EPHA4: variants seen among roughly 807,000 people sequenced by gnomAD.
The protein encoded by EPHA4 is EPH receptor A4, also known as ephrin type-A receptor 4.
In EPHA4, 19 loss-of-function variants were observed where a neutral mutation model predicts 108.3. The observed-to-expected ratio is 0.18, with a 90% CI of 0.12 to 0.26. EPHA4 has a LOEUF of 0.26. Among genes scored for constraint, EPHA4 ranks in the 10% least tolerant of loss-of-function variants. EPHA4 has a pLI of 1.00. For synonymous variants in EPHA4, 449 were observed against 455.5 expected (o/e 0.99, Z 0.18); for missense variants, 917 against 1,254.0 (o/e 0.73, Z 4.06).
At chr2:221,427,969 C>A (rs1245567638) in intron 15 of EPHA4, among the ~76,000 whole-genome samples, 1 of 151,920 alleles carries the variant, frequency 6.6e-6, no homozygotes, top group Non-Finnish European at 1.5e-5. Flanking sequence ...TCCATTATTT[C>A]AATATAAGTT....
chr2:221,486,735 A>AAAT (rs34218724), intron 4 of EPHA4, among the ~76,000 whole-genome samples: 67,186 of 138,646 alleles, frequency 0.48, 16,371 homozygotes, highest in East Asian at 0.61. Flanking sequence ...CTCTGTCTCA[A>AAAT]AATAATAATA....
rs1693858853 is a variant in EPHA4, at chr2:221,542,202, A to G, written c.823+21529T>C. Among the ~76,000 whole-genome samples the G allele has an allele frequency of 2.0e-5, 3 of 152,262 alleles. No homozygotes were observed. The South Asian group carries it at 6.2e-4, about 31-fold the overall frequency. On this transcript the variant is annotated intron_variant, in intron 3 of 17. Transcript: ENST00000281821. ...TGAAGCATTGTTCAACAATCTGTGC[A>G]AACAATTGGAAAAATAACTTGCCAA...
chr2:221,557,522 C>T (rs897308451), intron 3 of EPHA4, among the ~76,000 whole-genome samples: 6 of 152,140 alleles, frequency 3.9e-5, no homozygotes, highest in African/African-American at 1.2e-4. Context: ...AATTTGCAAA[C>T]GTGAACTTGA....
chr2:221,435,262 CT>C (rs911926824), intron 13 of EPHA4, among the ~76,000 whole-genome samples: 7 of 152,176 alleles, frequency 4.6e-5, no homozygotes, highest in African/African-American at 1.4e-4. Flanking sequence ...GCATTCCCCC[CT>C]GCTTAAATAT....
At chr2:221,465,210 A>C (rs968947525) in intron 5 of EPHA4, among the ~76,000 whole-genome samples, 11 of 152,320 alleles carry the variant, frequency 7.2e-5, no homozygotes, top group African/African-American at 2.4e-4. Context: ...ATTTTGGAAC[A>C]CTATAAATAC....
At chr2:221,445,661 A>C (rs1036129683) in intron 9 of EPHA4, among the ~76,000 whole-genome samples, 5 of 151,224 alleles carry the variant, frequency 3.3e-5, no homozygotes, top group Non-Finnish European at 1.5e-5. Context: ...GTCTTCTTTG[A>C]CCTCTTTGGA....
chr2:221,559,972 C>T (rs762176801), intron 3 of EPHA4, among the ~76,000 whole-genome samples: 5 of 152,178 alleles, frequency 3.3e-5, no homozygotes, highest in Admixed American at 6.5e-5. Flanking sequence ...TCCCCCTGCC[C>T]TCATCCTTCC....
chr2:221,442,088 G>A (rs1203830774), intron 11 of EPHA4, among the ~76,000 whole-genome samples: 2 of 152,170 alleles, frequency 1.3e-5, no homozygotes, highest in Non-Finnish European at 2.9e-5. Flanking sequence ...CCAGGCTTAT[G>A]AGATCCTTGA....
At chr2:221,568,330 T>C (rs1231744539) in intron 2 of EPHA4, among the ~76,000 whole-genome samples, 1 of 152,200 alleles carries the variant, frequency 6.6e-6, no homozygotes, top group Non-Finnish European at 1.5e-5. Flanking sequence ...TTTATTCTTT[T>C]TTTTTCATCT....
intron 3 of EPHA4, among the ~76,000 whole-genome samples, chr2:221,546,720 GAA>G (rs913830610): frequency 4.6e-5 from 7 of 152,084 alleles, no homozygotes; most frequent in African/African-American, 1.4e-4. Context: ...ATAAGGCTGA[GAA>G]AAGACAATAA....
At chr2:221,516,352 ATTTTT>A (rs10606305) in intron 3 of EPHA4, among the ~76,000 whole-genome samples, 1 of 123,336 alleles carries the variant, frequency 8.1e-6, no homozygotes, top group Non-Finnish European at 1.6e-5. Flanking sequence ...AGATTCAATG[ATTTTT>A]TTTTTTTTTT....
intron 14 of EPHA4, 150 bp from the exon 15 acceptor site, chr2:221,430,301 G>T: frequency 2.8e-6 from 2 of 719,028 alleles, no homozygotes; most frequent in Non-Finnish European, 4.5e-6. Context: ...GCCAAAGCTA[G>T]ACCTGAGTAT....
chr2:221,531,782 A>G (rs912096306), intron 3 of EPHA4, among the ~76,000 whole-genome samples: 17 of 152,090 alleles, frequency 1.1e-4, no homozygotes, highest in Non-Finnish European at 2.2e-4. Context: ...TGTCTATTTT[A>G]TTTTTATTGT....
chr2:221,486,213 G>A (rs951700646), intron 4 of EPHA4, among the ~76,000 whole-genome samples: 2 of 152,134 alleles, frequency 1.3e-5, no homozygotes, highest in African/African-American at 2.4e-5. Flanking sequence ...TACACCCATC[G>A]GGTAGCTTGA....
intron 5 of EPHA4, among the ~76,000 whole-genome samples, chr2:221,464,465 C>T (rs1559252221): frequency 6.6e-6 from 1 of 152,178 alleles, no homozygotes; most frequent in Non-Finnish European, 1.5e-5. Flanking sequence ...GCTAAGAGCT[C>T]TGGTGCTAAT....
chr2:221,457,213 A>G (rs1313574944), intron 6 of EPHA4, among the ~76,000 whole-genome samples: 1 of 152,210 alleles, frequency 6.6e-6, no homozygotes, highest in Non-Finnish European at 1.5e-5. Context: ...AAGGAAGCCA[A>G]TAAGTGATTA....
At chr2:221,495,491 T>C (rs1287863728) in intron 4 of EPHA4, among the ~76,000 whole-genome samples, 1 of 152,206 alleles carries the variant, frequency 6.6e-6, no homozygotes, top group Non-Finnish European at 1.5e-5. Flanking sequence ...CATGTGATTT[T>C]TGTGCATGTG....
chr2:221,437,089 T>C lies in EPHA4; in HGVS notation c.2108A>G (p.Glu703Gly), dbSNP rs1461387354. The change falls in exon 12 of 18, where the codon GAG becomes GGG. Residue 703 changes from glutamate to glycine, a missense_variant. By Grantham distance (98) the Glu-to-Gly change is moderately conservative. Around this residue, in one of 3 missense-constraint regions of EPHA4, gnomAD observed 758 missense variants for 1,076.7 expected, o/e 0.70. Coordinates refer to ENST00000281821, the MANE Select transcript of EPHA4 (RefSeq NM_004438.5). The part of the protein sequence containing the change: ...KPVMIITEYM[E>G]NGSLDAFLRK... ...GAGGAATGCATCCAAGGAGCCATTC[T>C]CCATGTACTCTGTTATGATCATTAC... is the stretch of plus-strand genomic sequence containing the variant. 1 of 1,612,822 alleles carries C rather than the reference T, an allele frequency of 6.2e-7. No individual in the cohort carries two copies. Among genetic ancestry groups the C allele is most frequent in the African/African-American group, 1.3e-5 (1 of 75,032 alleles).
intron 12 of EPHA4, 51 bp downstream of exon 12, chr2:221,437,010 G>C (rs748921833): frequency 3.0e-6 from 4 of 1,346,304 alleles, no homozygotes; most frequent in Non-Finnish European, 4.2e-6. Context: ...ACTCTGTTAG[G>C]AGTTTTCTAA....
Sources: gnomAD v4.1 joint callset for allele counts (sites outside exome capture counted in the v4.1 genomes callset) on GRCh38, gnomAD v4.1.1 for gene constraint, gnomAD v4.1.1 regional missense constraint, MANE v1.5 for transcripts, NCBI Gene and HGNC (gene_info 2026-07-23, HGNC 2026-07-21) for gene names.